Variants in C5 observed in about 807,000 individuals in gnomAD.
C5 encodes the protein C3 and PZP-like alpha-2-macroglobulin domain-containing protein 4.
C5 carries 140 observed loss-of-function variants against 218.8 expected under a neutral mutation model. The ratio of observed to expected loss-of-function variants is 0.64; its 90% confidence interval spans 0.56 to 0.74. C5 has a LOEUF of 0.74. Among genes scored for constraint, C5 ranks in the 30% least tolerant of loss-of-function variants. The pLI, the probability that C5 is intolerant of heterozygous loss-of-function variation, is 0.00. For missense variants in C5, 1,700 were observed against 1,969.6 expected (o/e 0.86, Z 2.59); for synonymous variants, 614 against 682.3 (o/e 0.90, Z 1.56).
Position 120,961,558 on chromosome 9 carries a change from CTG to C in C5, c.4510_4511del (p.Gln1504ValfsTer6). 7 of 1,607,164 alleles carry C rather than the reference CTG, an allele frequency of 4.4e-6. No individual in the cohort carries two copies. Among genetic ancestry groups the C allele is most frequent in the Non-Finnish European group, 6.0e-6 (7 of 1,173,682 alleles). On this transcript the variant is annotated frameshift_variant, in exon 37 of 41. Transcript: ENST00000223642. LOFTEE classifies it high-confidence loss of function. ...TGGAAGTGCTATAAAACATGGTACA[CTG>C]TTTATCTGTGGCAACAAAAGTGTGG... ...TVYEYHRPDK[Q>X]CTMFYSTSNI...
intron 14 of C5, among the ~76,000 whole-genome samples, chr9:121,016,988 T>C (rs900752207): frequency 6.6e-6 from 1 of 152,196 alleles, no homozygotes; most frequent in African/African-American, 2.4e-5. Context: ...TTCTGTGCTA[T>C]GGATTTCAAT....
chr9:121,067,491 G>T, the C5 span, among the ~76,000 whole-genome samples: 1 of 151,768 alleles, frequency 6.6e-6, no homozygotes, highest in Non-Finnish European at 1.5e-5. Flanking sequence ...TTGAACTCGG[G>T]GGGTGGAGAT....
In C5 at chr9:121,039,842, T is replaced by A. The variant is rs542941932; in HGVS notation, c.422-1891A>T. Among the ~76,000 whole-genome samples the A allele has an allele frequency of 3.3e-5, 5 of 152,172 alleles. No homozygotes were observed. In the South Asian group the frequency reaches 1.0e-3, roughly 32 times the overall value. On this transcript the variant is annotated intron_variant, in intron 3 of 40. Transcript: ENST00000223642. Reference sequence around the variant, plus strand: ...TTTTTGTATTAGCTCACATCCCGTGTGAGCCAGGATGGTCTCGATCTCCTG... The same window carrying A: ...TTTTTGTATTAGCTCACATCCCGTGAGAGCCAGGATGGTCTCGATCTCCTG...
intron 9 of C5, among the ~76,000 whole-genome samples, chr9:121,023,990 C>A (rs115423167): frequency 2.7e-5 from 4 of 150,916 alleles, no homozygotes; most frequent in Admixed American, 1.3e-4. Flanking sequence ...ATAGAAAGAA[C>A]CCTGAAAGGG....
chr9:121,054,027 A>G (rs2047686087), upstream of C5, among the ~76,000 whole-genome samples: 1 of 151,966 alleles, frequency 6.6e-6, no homozygotes, highest in African/African-American at 2.4e-5. Flanking sequence ...CTTGCCCCCT[A>G]TTGACTGAAT....
intron 25 of C5, among the ~76,000 whole-genome samples, chr9:120,986,695 A>T: frequency 6.9e-6 from 1 of 144,344 alleles, no homozygotes; most frequent in African/African-American, 2.9e-5. Context: ...ATTGACACTC[A>T]CTCCCACTCC....
chr9:121,056,532 T>C, the C5 span, among the ~76,000 whole-genome samples: 1 of 152,292 alleles, frequency 6.6e-6, no homozygotes, highest in African/African-American at 2.4e-5. Flanking sequence ...ATCAATAAAA[T>C]ATGAAAATTT....
At chr9:121,074,586 G>T in the C5 span, among the ~76,000 whole-genome samples, 1 of 152,246 alleles carries the variant, frequency 6.6e-6, no homozygotes, top group Non-Finnish European at 1.5e-5. Flanking sequence ...GGGAGGCCGG[G>T]GAGGCGCTGC....
intron 21 of C5, 68 bp downstream of exon 21, chr9:120,997,479 C>A (rs2131723520): frequency 9.2e-7 from 1 of 1,089,726 alleles, no homozygotes; most frequent in South Asian, 1.3e-5. Context: ...TTGTTTCTCT[C>A]CCCCCCCTTT....
At chr9:121,051,707 A>C (rs1331446612), upstream of C5, among the ~76,000 whole-genome samples, 3 of 152,228 alleles carry the variant, frequency 2.0e-5, no homozygotes, top group Non-Finnish European at 2.9e-5. Context: ...AAAAAGGAGC[A>C]CAAAGGGAAA....
intron 27 of C5, among the ~76,000 whole-genome samples, chr9:120,981,082 C>T (rs2046989628): frequency 6.6e-6 from 1 of 152,230 alleles, no homozygotes; most frequent in Non-Finnish European, 1.5e-5. Flanking sequence ...CCTGACGCCA[C>T]CAAAATGGTT....
chr9:120,998,958 C>T (rs1327009077), intron 20 of C5, among the ~76,000 whole-genome samples: 2 of 152,156 alleles, frequency 1.3e-5, no homozygotes, highest in Admixed American at 1.3e-4. Context: ...TAACTATCTT[C>T]TTGGGAGACA....
At chr9:120,996,035 T>C (rs1179216547) in intron 22 of C5, among the ~76,000 whole-genome samples, 2 of 152,188 alleles carry the variant, frequency 1.3e-5, no homozygotes, top group East Asian at 3.9e-4. Context: ...GCCAGGCTGG[T>C]CTCGAACTCC....
chr9:121,000,007 C>A, intron 20 of C5: 1 of 415,674 alleles, frequency 2.4e-6, no homozygotes, highest in Non-Finnish European at 4.7e-6. Flanking sequence ...TGCAGTGACC[C>A]GAGATCTTCC....
At chr9:121,001,621 C>A (rs2047162228) in intron 20 of C5, among the ~76,000 whole-genome samples, 2 of 152,064 alleles carry the variant, frequency 1.3e-5, no homozygotes, top group Non-Finnish European at 2.9e-5. Flanking sequence ...GAGCTTTAAT[C>A]AAAATGATGC....
chr9:121,030,956 G>A (rs1008939554), intron 6 of C5, among the ~76,000 whole-genome samples: 1 of 151,998 alleles, frequency 6.6e-6, no homozygotes, highest in South Asian at 2.1e-4. Flanking sequence ...GTAAGAGGTG[G>A]GTGGATTCTA....
At chr9:120,965,562 A>G (rs2046861207) in intron 33 of C5, among the ~76,000 whole-genome samples, 1 of 148,014 alleles carries the variant, frequency 6.8e-6, no homozygotes, top group South Asian at 2.1e-4. Context: ...ATAAATAAAT[A>G]AAAGCAGTCC....
the C5 span, among the ~76,000 whole-genome samples, chr9:121,068,719 C>T: frequency 3.3e-5 from 5 of 152,180 alleles, no homozygotes; most frequent in African/African-American, 1.2e-4. Context: ...CACTAACAGT[C>T]TTCAAAATAT....
intron 25 of C5, among the ~76,000 whole-genome samples, chr9:120,983,279 G>A (rs753799262): frequency 7.9e-5 from 12 of 152,114 alleles, no homozygotes; most frequent in Non-Finnish European, 1.6e-4. Context: ...TTGTCCTTGA[G>A]TGCTGCCATT....
Sources: allele counts gnomAD v4.1 joint callset (sites outside exome capture counted in the v4.1 genomes callset), GRCh38; gene constraint gnomAD v4.1.1; transcripts MANE v1.5; gene names NCBI Gene and HGNC (gene_info 2026-07-23, HGNC 2026-07-21).